Variants in PRSS23 observed in about 807,000 individuals in gnomAD.
PRSS23 encodes serine protease 23.
A neutral mutation model predicts 34.7 loss-of-function variants in PRSS23; 25 were observed. The observed-to-expected ratio is 0.72, with a 90% CI of 0.53 to 1.01. The LOEUF (loss-of-function observed/expected upper bound fraction) is 1.01. PRSS23 is among the 50% of genes least tolerant of loss of function. The pLI is 0.00. For missense variants in PRSS23, 445 were observed against 475.6 expected, an observed-to-expected ratio of 0.94 and a Z score of 0.60; for synonymous variants, 176 against 186.6, an observed-to-expected ratio of 0.94 and a Z score of 0.46.
At chr11:86,829,879 G>A (rs556477744) in intron 2 of PRSS23, among the ~76,000 whole-genome samples, 1 of 152,202 alleles carries the variant, frequency 6.6e-6, no homozygotes, top group African/African-American at 2.4e-5. Context: ...TTGGCCGTGT[G>A]AGGTGTCAGT....
intron 2 of PRSS23, among the ~76,000 whole-genome samples, chr11:86,891,894 C>T (rs983470315): frequency 1.3e-5 from 2 of 152,170 alleles, no homozygotes; most frequent in Non-Finnish European, 2.9e-5. Context: ...TTCCCCTTCA[C>T]CTTCCACCAT....
chr11:86,925,537 G>A (rs1178942521), intron 2 of PRSS23, among the ~76,000 whole-genome samples: 4 of 152,088 alleles, frequency 2.6e-5, no homozygotes, highest in African/African-American at 9.7e-5. Context: ...AACATAATCA[G>A]GCATGTAGCT....
At chr11:86,820,886 A>G (rs1849459119) in intron 1 of PRSS23, among the ~76,000 whole-genome samples, 1 of 152,186 alleles carries the variant, frequency 6.6e-6, no homozygotes, top group Non-Finnish European at 1.5e-5. Context: ...CCAACTGTAA[A>G]TTCTTTTATT....
chr11:86,820,164 G>A (rs1948242606), intron 1 of PRSS23, among the ~76,000 whole-genome samples: 1 of 152,088 alleles, frequency 6.6e-6, no homozygotes, highest in South Asian at 2.1e-4. Flanking sequence ...ATTTAATGCT[G>A]CCTAGCTGGT....
chr11:86,801,821 T>TTA (rs1420095623), intron 1 of PRSS23, among the ~76,000 whole-genome samples: 1 of 152,110 alleles, frequency 6.6e-6, no homozygotes, highest in Non-Finnish European at 1.5e-5. Context: ...GCCACTATGT[T>TTA]TATTTGTGAA....
At chr11:86,796,273 A>C (rs781157700), upstream of PRSS23, among the ~76,000 whole-genome samples, 3 of 152,180 alleles carry the variant, frequency 2.0e-5, no homozygotes, top group Admixed American at 1.3e-4. Context: ...CACCGAGTAG[A>C]CTATTTTAAA....
intron 2 of PRSS23, among the ~76,000 whole-genome samples, chr11:86,881,471 T>C (rs1012499566): frequency 1.3e-5 from 2 of 152,168 alleles, no homozygotes; most frequent in Non-Finnish European, 2.9e-5. Context: ...TGTATATTTT[T>C]TTTAAAATAT....
Position 86,808,293 on chromosome 11 carries a change from T to G in PRSS23, c.650T>G (p.Met217Arg). 1 of 1,614,108 alleles carries G rather than the reference T, an allele frequency of 6.2e-7. No homozygotes were observed. The highest frequency in any genetic ancestry group is 8.5e-7 in the Non-Finnish European group (1 of 1,180,028). The stretch of plus-strand genomic sequence containing the variant: ...TCCACTTCAGCCATGCCCGAGCAGA[T>G]GAAATTTCAGTGGATCCGGGTGAAA... The part of the protein sequence containing the change: ...NDSTSAMPEQ[M>R]KFQWIRVKRT... The change falls in exon 2 of 2, where the codon ATG becomes AGG. Residue 217 changes from methionine (M) to arginine (R), a missense_variant. Transcript: ENST00000280258.
At chr11:86,862,337 G>T (rs1451696570) in intron 2 of PRSS23, among the ~76,000 whole-genome samples, 1 of 151,558 alleles carries the variant, frequency 6.6e-6, no homozygotes, top group African/African-American at 2.4e-5. Flanking sequence ...TTTTTAGGGG[G>T]TGTTACTCCT....
chr11:86,910,255 C>T (rs750006181), intron 2 of PRSS23: 12 of 152,156 alleles, frequency 7.9e-5, no homozygotes, highest in Non-Finnish European at 1.8e-4. Flanking sequence ...ATGGCAGTAT[C>T]TCATTAGACT....
At chr11:86,847,603 G>T (rs1772239421) in intron 2 of PRSS23, among the ~76,000 whole-genome samples, 1 of 151,976 alleles carries the variant, frequency 6.6e-6, no homozygotes, top group Non-Finnish European at 1.5e-5. Context: ...AATTCCAGAT[G>T]GGCACCACAC....
intron 2 of PRSS23, among the ~76,000 whole-genome samples, chr11:86,902,455 T>C (rs538518875): frequency 5.3e-5 from 8 of 152,332 alleles, no homozygotes; most frequent in Non-Finnish European, 1.0e-4. Flanking sequence ...CACCCAAGCT[T>C]CGGCCACTTC....
intron 2 of PRSS23, among the ~76,000 whole-genome samples, chr11:86,825,119 C>A (rs1258352937): frequency 6.6e-6 from 1 of 151,910 alleles, no homozygotes; most frequent in African/African-American, 2.4e-5. Context: ...GTTCCTATTT[C>A]TCCACATCCT....
rs1307857490 is a variant in PRSS23, at chr11:86,808,623, G to A, written c.980G>A (p.Arg327Lys). The A allele has an allele frequency of 6.2e-7, 1 of 1,614,084 alleles. No homozygotes were observed. The highest frequency in any genetic ancestry group is 8.5e-7 in the Non-Finnish European group (1 of 1,180,048). Reference sequence around the variant, plus strand: ...GGGGTCTATGTGAGGATGTGGAAGAGACAGCAGCAGAAGTGGGAGCGAAAA... The same window carrying A: ...GGGGTCTATGTGAGGATGTGGAAGAAACAGCAGCAGAAGTGGGAGCGAAAA... ...GSGVYVRMWK[R>K]QQQKWERKII... The change falls in exon 2 of 2, where the codon AGA becomes AAA. Residue 327 changes from arginine to lysine, a missense_variant. By Grantham distance (26) the Arg-to-Lys change is conservative. Transcript: ENST00000280258.
chr11:86,847,728 A>G (rs958200574), intron 2 of PRSS23, among the ~76,000 whole-genome samples: 11 of 152,224 alleles, frequency 7.2e-5, no homozygotes, highest in Admixed American at 3.9e-4. Context: ...TGGCCACAGT[A>G]TTCCTTACAA....
Position 86,834,976 on chromosome 11 carries a change from T to A in PRSS23, c.206+11383T>A, listed in dbSNP as rs111812075. ...ACTTCCATCAGTATACAAGTTGAGG[T>A]GGGGATCAGTCAAGGGAACCTCTAA... On this transcript the variant is annotated intron_variant, in intron 2 of 2. Transcript: ENST00000533902. Among the ~76,000 whole-genome samples the A allele has an allele frequency of 9.4e-3, 1,435 of 152,282 alleles. 32 individuals carry two copies. The highest frequency in any genetic ancestry group is 0.033 in the African/African-American group (1,357 of 41,560).
chr11:86,938,512 G>A lies in PRSS23; in HGVS notation c.207-12704G>A, dbSNP rs531718383. Among the ~76,000 whole-genome samples the A allele has an allele frequency of 5.3e-5, 8 of 152,314 alleles. No homozygotes were observed. In the South Asian group the frequency reaches 1.7e-3, roughly 32 times the overall value. ...AAACAGCCTGAGAACAGGAGGAGCTGGAAGTGGCTGGGATTGGCTAGAGCA... is the reference window on the plus strand; with the variant it reads ...AAACAGCCTGAGAACAGGAGGAGCTAGAAGTGGCTGGGATTGGCTAGAGCA... On this transcript the variant is annotated intron_variant, in intron 2 of 2. Transcript: ENST00000533902.
chr11:86,919,642 G>A (rs904706174), intron 2 of PRSS23, among the ~76,000 whole-genome samples: 1 of 152,206 alleles, frequency 6.6e-6, no homozygotes, highest in Non-Finnish European at 1.5e-5. Flanking sequence ...CCATTAAGTT[G>A]TTACGTGATC....
chr11:86,922,290 C>A (rs1245073133), intron 2 of PRSS23, among the ~76,000 whole-genome samples: 1 of 152,158 alleles, frequency 6.6e-6, no homozygotes, highest in Non-Finnish European at 1.5e-5. Context: ...TCTGATAAAT[C>A]AGATGGACAA....
Sources: gnomAD v4.1 joint callset for allele counts (sites outside exome capture counted in the v4.1 genomes callset) on GRCh38, gnomAD v4.1.1 for gene constraint, MANE v1.5 for transcripts, NCBI Gene and HGNC (gene_info 2026-07-23, HGNC 2026-07-21) for gene names.